CDK6: variants seen among roughly 807,000 people sequenced by gnomAD.
CDK6 encodes cyclin-dependent kinase 6.
In CDK6, 6 loss-of-function variants were observed where a neutral mutation model predicts 37.1. The observed-to-expected ratio is 0.16, with a 90% confidence interval of 0.09 to 0.32. CDK6 has a LOEUF of 0.32. CDK6 is among the 10% of genes least tolerant of loss of function. CDK6 has a pLI of 1.00. For missense variants in CDK6, 224 were observed against 418.9 expected (o/e 0.53, Z 4.06); for synonymous variants, 160 against 161.3 (o/e 0.99, Z 0.06).
intron 3 of CDK6, among the ~76,000 whole-genome samples, chr7:92,752,791 G>T (rs1044661157): frequency 2.0e-5 from 3 of 151,804 alleles, no homozygotes; most frequent in Non-Finnish European, 4.4e-5. Flanking sequence ...TCAAGCCAAT[G>T]TTTTTTTTGT....
At chr7:92,732,665 A>C (rs1798678061) in intron 3 of CDK6, among the ~76,000 whole-genome samples, 1 of 152,306 alleles carries the variant, frequency 6.6e-6, no homozygotes, top group South Asian at 2.1e-4. Flanking sequence ...GAAGGCAATC[A>C]CATTTCCTTT....
At position 92,609,419 on chromosome 7, in the gene CDK6, A is replaced by AAG; in HGVS notation, c.*5720_*5721insCT. On this transcript the variant is annotated 3_prime_UTR_variant, in exon 8 of 8. Transcript: ENST00000424848. ...GACACACTCCTAAGTTGTTATGCTC[A>AAG]TATACTTCAGACTTTTTTTTTTTAA... 1 of 230,168 alleles carries AAG rather than the reference A, an allele frequency of 4.3e-6. No homozygotes were observed. Among genetic ancestry groups the AAG allele is most frequent in the Admixed American group, 5.7e-5 (1 of 17,666 alleles). 14.3% of individuals were successfully genotyped at this position (230,168 alleles called of 1,614,324 possible). A position where few individuals can be genotyped will look rare whatever the true frequency, so the allele number is the denominator to read the frequency against.
At chr7:92,619,345 G>A (rs182808407) in intron 6 of CDK6, among the ~76,000 whole-genome samples, 14 of 152,222 alleles carry the variant, frequency 9.2e-5, no homozygotes, top group Non-Finnish European at 1.8e-4. Flanking sequence ...CATATAGGTC[G>A]TAAGTAGGTT....
At chr7:92,734,141 C>T (rs1003686812) in intron 3 of CDK6, among the ~76,000 whole-genome samples, 22 of 152,190 alleles carry the variant, frequency 1.4e-4, no homozygotes, top group African/African-American at 4.8e-4. Flanking sequence ...GATACCTTTA[C>T]AATATTGAGT....
At chr7:92,827,554 C>T (rs929454332) in intron 2 of CDK6, among the ~76,000 whole-genome samples, 9 of 152,150 alleles carry the variant, frequency 5.9e-5, no homozygotes, top group Non-Finnish European at 1.0e-4. Flanking sequence ...TTCAAGAAAA[C>T]TACCCAGCAG....
At position 92,743,530 on chromosome 7, in the gene CDK6, C is replaced by A. The variant is rs181406093; in HGVS notation, c.370-17737G>T. 6.6e-5 allele frequency among the ~76,000 whole-genome samples: 10 copies of A among 151,910 alleles called. No homozygotes were observed. The East Asian group carries it at 1.9e-3, about 29-fold the overall frequency. On this transcript the variant is annotated intron_variant, in intron 3 of 7. Transcript: ENST00000424848. ...CTAAATTAGAAAAAGACACACAATC[C>A]AATATTTAAAAATGGGTTAAAGATG...
intron 5 of CDK6, among the ~76,000 whole-genome samples, chr7:92,656,023 A>T (rs1421851547): frequency 6.6e-6 from 1 of 152,188 alleles, no homozygotes; most frequent in African/African-American, 2.4e-5. Flanking sequence ...ATTTCCAGAG[A>T]AGGTTAAAGG....
At chr7:92,661,816 T>C (rs182292406) in intron 5 of CDK6, among the ~76,000 whole-genome samples, 22 of 152,268 alleles carry the variant, frequency 1.4e-4, no homozygotes, top group African/African-American at 5.1e-4. Context: ...AGTGGACCTG[T>C]GTAGTTCAAA....
intron 2 of CDK6, among the ~76,000 whole-genome samples, chr7:92,826,963 A>T (rs1294274503): frequency 6.6e-6 from 1 of 152,160 alleles, no homozygotes; most frequent in Non-Finnish European, 1.5e-5. Flanking sequence ...ACTAAACTGA[A>T]AATACTTTTA....
At chr7:92,653,463 T>C (rs750943855) in intron 5 of CDK6, among the ~76,000 whole-genome samples, 3 of 152,210 alleles carry the variant, frequency 2.0e-5, no homozygotes, top group Non-Finnish European at 4.4e-5. Context: ...CCTTTGAAGA[T>C]GCCAAGACAT....
chr7:92,716,302 G>A (rs1798228441), intron 4 of CDK6, among the ~76,000 whole-genome samples: 1 of 152,166 alleles, frequency 6.6e-6, no homozygotes, highest in South Asian at 2.1e-4. Context: ...TATGTTATGT[G>A]CTTACCACTT....
chr7:92,689,969 T>C (rs1460052549), intron 4 of CDK6, among the ~76,000 whole-genome samples: 2 of 152,146 alleles, frequency 1.3e-5, no homozygotes, highest in Non-Finnish European at 2.9e-5. Context: ...CACTTTTTTA[T>C]CGTTTTTTTT....
intron 2 of CDK6, among the ~76,000 whole-genome samples, chr7:92,827,869 G>A (rs898847356): frequency 2.0e-5 from 3 of 152,138 alleles, no homozygotes; most frequent in African/African-American, 7.2e-5. Flanking sequence ...GAACAATAGT[G>A]TGATTAGTTC....
At chr7:92,644,387 T>C (rs1161855745) in intron 5 of CDK6, among the ~76,000 whole-genome samples, 5 of 152,272 alleles carry the variant, frequency 3.3e-5, no homozygotes, top group East Asian at 1.9e-4. Flanking sequence ...CAAATCACGA[T>C]TACTATCTCA....
At chr7:92,753,661 A>G (rs1031469346) in intron 3 of CDK6, among the ~76,000 whole-genome samples, 2 of 151,996 alleles carry the variant, frequency 1.3e-5, no homozygotes, top group Non-Finnish European at 1.5e-5. Flanking sequence ...CCCAGCTAGT[A>G]AGAAGACTAC....
intron 6 of CDK6, among the ~76,000 whole-genome samples, chr7:92,621,146 A>G (rs1795797569): frequency 6.6e-6 from 1 of 152,262 alleles, no homozygotes; most frequent in Admixed American, 6.5e-5. Context: ...TGGAGGAGAC[A>G]GAAATATTTT....
chr7:92,833,051 G>C lies in CDK6; in HGVS notation c.233+40C>G. 1 of 1,406,456 alleles carries C rather than the reference G, an allele frequency of 7.1e-7. No individual in the cohort carries two copies. The highest frequency in any genetic ancestry group is 2.0e-4 in the Middle Eastern group (1 of 5,008). 87.1% of individuals were successfully genotyped at this position (1,406,456 alleles called of 1,614,324 possible). On this transcript the variant is annotated intron_variant, in intron 2 of 7. Transcript: ENST00000424848. This position sits in a 1 kb window ranked among gnomAD's most constrained non-coding sequence, Gnocchi z 6.1. ...TCCCGGCTCGGCCCTCCCCGCGCGC[G>C]CGAGGCCCCAGATGGCGAGGGCGCA... is the stretch of plus-strand genomic sequence containing the variant.
At chr7:92,822,661 C>T (rs1765585744) in intron 2 of CDK6, among the ~76,000 whole-genome samples, 1 of 152,094 alleles carries the variant, frequency 6.6e-6, no homozygotes, top group Non-Finnish European at 1.5e-5. Context: ...TTAATTCATA[C>T]AACTATTCAA....
At chr7:92,809,389 A>G (rs1031436174) in intron 2 of CDK6, among the ~76,000 whole-genome samples, 1 of 152,206 alleles carries the variant, frequency 6.6e-6, no homozygotes, top group Non-Finnish European at 1.5e-5. Flanking sequence ...GGTTTCACTC[A>G]TGGTAGACCT....
Sources: gnomAD v4.1 joint callset for allele counts (sites outside exome capture counted in the v4.1 genomes callset) on GRCh38, gnomAD v4.1.1 for gene constraint, Gnocchi (gnomAD v3.1) non-coding constraint, MANE v1.5 for transcripts, NCBI Gene and HGNC (gene_info 2026-07-23, HGNC 2026-07-21) for gene names.